Variants in NELL1 observed in about 807,000 individuals in gnomAD.
NELL1 encodes protein kinase C-binding protein NELL1.
In NELL1, 76 loss-of-function variants were observed where a neutral mutation model predicts 107.4. The observed-to-expected ratio is 0.71, with a 90% CI of 0.59 to 0.86. The LOEUF is 0.86. Among genes scored for constraint, NELL1 ranks in the 40% least tolerant of loss-of-function variants. The pLI is 0.00. For missense variants in NELL1, 1,024 were observed against 1,005.5 expected (o/e 1.02, Z -0.25); for synonymous variants, 353 against 341.2 (o/e 1.03, Z -0.38).
At chr11:21,313,034 C>T (rs1242938019) in intron 14 of NELL1, among the ~76,000 whole-genome samples, 1 of 149,064 alleles carries the variant, frequency 6.7e-6, no homozygotes, top group Non-Finnish European at 1.5e-5. Flanking sequence ...CAAGATCATG[C>T]CACTGCACTC....
At chr11:21,202,399 T>G (rs1250636708) in intron 13 of NELL1, among the ~76,000 whole-genome samples, 1 of 152,250 alleles carries the variant, frequency 6.6e-6, no homozygotes, top group African/African-American at 2.4e-5. Flanking sequence ...CTAGATTTTC[T>G]AGTTTATTTG....
intron 1 of NELL1, among the ~76,000 whole-genome samples, chr11:20,674,029 A>C (rs774727716): frequency 6.6e-6 from 1 of 152,218 alleles, no homozygotes; most frequent in Admixed American, 6.5e-5. Context: ...GAAGAAAACT[A>C]TCCAGAAGCC....
chr11:20,879,948 T>C (rs1849377104), intron 4 of NELL1, among the ~76,000 whole-genome samples: 1 of 152,210 alleles, frequency 6.6e-6, no homozygotes. Flanking sequence ...TCTGTTTTAA[T>C]GCAAAGTTTA....
chr11:21,459,132 G>A (rs1853829461), intron 15 of NELL1, among the ~76,000 whole-genome samples: 1 of 151,974 alleles, frequency 6.6e-6, no homozygotes, highest in South Asian at 2.1e-4. Context: ...TTGGGAAGGA[G>A]GGACTTAAAA....
chr11:20,732,015 G>A lies in NELL1; in HGVS notation c.185-51665G>A, dbSNP rs532421385. Among the ~76,000 whole-genome samples, 9 of 152,232 alleles carry A rather than the reference G, an allele frequency of 5.9e-5. No individual in the cohort carries two copies. The South Asian group carries it at 1.7e-3, about 28-fold the overall frequency. ...TTCTAGAGAAGCATTTCACAATGAG[G>A]CTCCTCTAATGGAGTCCTCTGGGAC... On this transcript the variant is annotated intron_variant, in intron 2 of 19. Transcript: ENST00000357134.
At chr11:21,544,223 T>G (rs1856371711) in intron 16 of NELL1, among the ~76,000 whole-genome samples, 1 of 151,990 alleles carries the variant, frequency 6.6e-6, no homozygotes, top group Non-Finnish European at 1.5e-5. Flanking sequence ...AGTATTGGGA[T>G]GTTATTATAA....
At chr11:21,520,549 G>A (rs1855694790) in intron 15 of NELL1, among the ~76,000 whole-genome samples, 1 of 152,158 alleles carries the variant, frequency 6.6e-6, no homozygotes, top group Admixed American at 6.5e-5. Flanking sequence ...AGATACAGAG[G>A]GAGCCTAAAT....
At chr11:21,101,528 A>G (rs979476254) in intron 12 of NELL1, among the ~76,000 whole-genome samples, 7 of 152,122 alleles carry the variant, frequency 4.6e-5, no homozygotes, top group Non-Finnish European at 2.9e-5. Flanking sequence ...AATGATCGCC[A>G]TTCTAACTGG....
intron 2 of NELL1, among the ~76,000 whole-genome samples, chr11:20,718,040 C>G (rs1315614730): frequency 6.6e-6 from 1 of 152,168 alleles, no homozygotes; most frequent in African/African-American, 2.4e-5. Flanking sequence ...GTTTTTTGGA[C>G]TCACATTTAT....
intron 14 of NELL1, among the ~76,000 whole-genome samples, chr11:21,266,788 T>C (rs1428687588): frequency 6.6e-6 from 1 of 152,070 alleles, no homozygotes; most frequent in Admixed American, 6.6e-5. Flanking sequence ...TCAAAACTAC[T>C]CACTCATAAG....
chr11:21,319,798 A>G (rs924927632), intron 14 of NELL1, among the ~76,000 whole-genome samples: 3 of 151,902 alleles, frequency 2.0e-5, no homozygotes, highest in Non-Finnish European at 4.4e-5. Flanking sequence ...AAATACATTT[A>G]CTGAACAGAA....
chr11:21,341,051 C>A (rs1028506273), intron 14 of NELL1, among the ~76,000 whole-genome samples: 5 of 152,102 alleles, frequency 3.3e-5, no homozygotes, highest in Non-Finnish European at 7.4e-5. Context: ...AGCTCTGTTT[C>A]CCTGGAAATA....
intron 13 of NELL1, among the ~76,000 whole-genome samples, chr11:21,206,091 A>T (rs1212725489): frequency 6.6e-6 from 1 of 152,260 alleles, no homozygotes; most frequent in East Asian, 1.9e-4. Context: ...ACAAATTGTC[A>T]TACACTCCAT....
intron 2 of NELL1, among the ~76,000 whole-genome samples, chr11:20,730,193 A>G (rs1406172111): frequency 6.6e-6 from 1 of 152,214 alleles, no homozygotes; most frequent in Non-Finnish European, 1.5e-5. Context: ...ATAGTTGGAA[A>G]ATAAGCAAAT....
chr11:20,958,006 T>C (rs1364896143), intron 11 of NELL1, among the ~76,000 whole-genome samples: 1 of 152,168 alleles, frequency 6.6e-6, no homozygotes, highest in Non-Finnish European at 1.5e-5. Context: ...ATCTAAGAAT[T>C]TTCCAAAATG....
chr11:20,711,518 T>C (rs952292704), intron 2 of NELL1, among the ~76,000 whole-genome samples: 17 of 152,162 alleles, frequency 1.1e-4, no homozygotes, highest in African/African-American at 3.9e-4. Flanking sequence ...TGGTGTATTT[T>C]GAGGTTTTAT....
At chr11:20,834,322 T>C (rs1848490543) in intron 3 of NELL1, among the ~76,000 whole-genome samples, 1 of 152,116 alleles carries the variant, frequency 6.6e-6, no homozygotes, top group African/African-American at 2.4e-5. Context: ...TGTTCTGATA[T>C]AGGATATAAT....
At position 20,697,995 on chromosome 11, in the gene NELL1, G is replaced by A. The variant is rs187325568; in HGVS notation, c.184+19935G>A. Among the ~76,000 whole-genome samples the A allele has an allele frequency of 2.0e-5, 3 of 152,268 alleles. No homozygotes were observed. In the East Asian group the frequency reaches 5.8e-4, roughly 29 times the overall value. On this transcript the variant is annotated intron_variant, in intron 2 of 19. Transcript: ENST00000357134. ...TCTTCCAGATTTCCTGCCACCCACT[G>A]TTGCCCAAGTCTGAATTGTTTTTTC... is the stretch of plus-strand genomic sequence containing the variant.
At chr11:20,891,492 G>A (rs767910398) in intron 5 of NELL1, among the ~76,000 whole-genome samples, 1 of 152,080 alleles carries the variant, frequency 6.6e-6, no homozygotes, top group East Asian at 1.9e-4. Context: ...ATGATGACAG[G>A]ATCAAATTCA....
Sources: allele counts gnomAD v4.1 joint callset (sites outside exome capture counted in the v4.1 genomes callset), GRCh38; gene constraint gnomAD v4.1.1; transcripts MANE v1.5; gene names NCBI Gene and HGNC (gene_info 2026-07-23, HGNC 2026-07-21).